The following GVQW3 variants were observed in gnomAD, a reference collection of about 807,000 sequenced individuals.
The protein encoded by GVQW3 is GVQW motif containing 3.
In GVQW3, 7 loss-of-function variants were observed where a neutral mutation model predicts 12.5. The observed-to-expected ratio is 0.56, with a 90% CI of 0.32 to 1.05. The LOEUF (loss-of-function observed/expected upper bound fraction) is 1.05, where lower values mean the gene tolerates loss of function less well. Among genes scored for constraint, GVQW3 ranks in the 50% least tolerant of loss-of-function variants. The pLI is 0.04. For missense variants in GVQW3, 188 were observed against 190.8 expected (o/e 0.99, Z 0.09); for synonymous variants, 71 against 67.2 (o/e 1.06, Z -0.28).
chr11:76,396,922 C>CT (rs1946944579), intron 1 of GVQW3, among the ~76,000 whole-genome samples: 2 of 151,726 alleles, frequency 1.3e-5, no homozygotes, highest in East Asian at 1.9e-4. Context: ...TAATATGTAG[C>CT]CTTTTATGTC....
Position 76,407,667 on chromosome 11 carries a change from ACAGT to A in GVQW3, c.*3913_*3916del, listed in dbSNP as rs1313740222. 2 of 152,130 alleles carry A rather than the reference ACAGT, an allele frequency of 1.3e-5. No individual in the cohort carries two copies. Among genetic ancestry groups the A allele is most frequent in the African/African-American group, 2.4e-5 (1 of 41,420 alleles). 9.4% of individuals were successfully genotyped at this position (152,130 alleles called of 1,614,324 possible). ...TTTCTTAGGAATCTTTCTTAGGAAA[ACAGT>A]CAGAGATGCAGACAAAGATTTATGT... On this transcript the variant is annotated 3_prime_UTR_variant, in exon 2 of 2. Transcript: ENST00000529331.
intron 1 of GVQW3, chr11:76,383,749 A>G: frequency 6.6e-6 from 1 of 152,182 alleles, no homozygotes; most frequent in Non-Finnish European, 1.5e-5. Context: ...ACTGTACTCC[A>G]ACCTGGCGAC....
intron 1 of GVQW3, among the ~76,000 whole-genome samples, chr11:76,384,685 T>C (rs936101571): frequency 6.6e-6 from 1 of 152,218 alleles, no homozygotes; most frequent in Non-Finnish European, 1.5e-5. Context: ...GAAGATACTG[T>C]GTAAGAAAAC....
chr11:76,406,559 C>T lies in GVQW3; in HGVS notation c.*2801C>T, dbSNP rs1206200508. ...AACCCAGCTGCAGCTTCTCATCTCA[C>T]GAATTTCAAGTGACTTTTGACTATT... On this transcript the variant is annotated 3_prime_UTR_variant, in exon 2 of 2. Transcript: ENST00000529331. 1.3e-5 allele frequency: 2 copies of T among 152,202 alleles called. No individual in the cohort carries two copies. The highest frequency in any genetic ancestry group is 2.1e-4 in the South Asian group (1 of 4,830). 9.4% of individuals were successfully genotyped at this position (152,202 alleles called of 1,614,324 possible).
chr11:76,410,490 T>C (rs1947072758), downstream of GVQW3, among the ~76,000 whole-genome samples: 1 of 152,172 alleles, frequency 6.6e-6, no homozygotes, highest in Non-Finnish European at 1.5e-5. Context: ...CAGTGCTTTG[T>C]ATTTAGTACA....
intron 1 of GVQW3, among the ~76,000 whole-genome samples, chr11:76,393,664 T>C (rs942843727): frequency 2.5e-4 from 38 of 151,240 alleles, no homozygotes; most frequent in African/African-American, 9.2e-4. Flanking sequence ...ACCCACTCAG[T>C]GAAGCAGCCA....
At chr11:76,399,127 T>TGTATTGTATTG (rs1296706412) in intron 1 of GVQW3, among the ~76,000 whole-genome samples, 19 of 151,074 alleles carry the variant, frequency 1.3e-4, no homozygotes, top group African/African-American at 4.6e-4. Context: ...TTTATTTTAT[T>TGTATTGTATTG]TCATTTTATT....
In GVQW3 at chr11:76,405,712, C is replaced by T. The variant is rs1250087044; in HGVS notation, c.*1954C>T. On this transcript the variant is annotated 3_prime_UTR_variant, in exon 2 of 2. Coordinates refer to ENST00000529331, the MANE Select transcript of GVQW3 (RefSeq NM_001347885.2). Reference sequence around the variant, plus strand: ...CAGTACTGTTGTCCAGGCTGGAGCGCAGTTGATTGTAGCTCACTGCAGCCT... The same window carrying T: ...CAGTACTGTTGTCCAGGCTGGAGCGTAGTTGATTGTAGCTCACTGCAGCCT... 1 of 152,436 alleles carries T rather than the reference C, an allele frequency of 6.6e-6. No individual in the cohort carries two copies. Among genetic ancestry groups the T allele is most frequent in the Non-Finnish European group, 1.5e-5 (1 of 68,240 alleles). 9.4% of individuals were successfully genotyped at this position (152,436 alleles called of 1,614,324 possible).
At chr11:76,390,436 A>G (rs1364738043) in intron 1 of GVQW3, among the ~76,000 whole-genome samples, 1 of 152,234 alleles carries the variant, frequency 6.6e-6, no homozygotes, top group Non-Finnish European at 1.5e-5. Context: ...ATATTTATTG[A>G]GTGCTTATCT....
chr11:76,400,570 A>G (rs969795967), intron 1 of GVQW3, among the ~76,000 whole-genome samples: 3 of 151,346 alleles, frequency 2.0e-5, no homozygotes, highest in Non-Finnish European at 2.9e-5. Flanking sequence ...ACAGGCTCAC[A>G]CCACCATGCC....
chr11:76,383,060 G>A (rs1374774052), intron 1 of GVQW3: 1 of 152,356 alleles, frequency 6.6e-6, no homozygotes, highest in East Asian at 1.9e-4. Context: ...GAAGAGCTGG[G>A]TTTGTTTCAT....
chr11:76,392,030 C>G (rs1946897463), intron 1 of GVQW3, among the ~76,000 whole-genome samples: 1 of 152,244 alleles, frequency 6.6e-6, no homozygotes, highest in South Asian at 2.1e-4. Context: ...GCACTAGGCA[C>G]AGAGTACAGC....
intron 1 of GVQW3, among the ~76,000 whole-genome samples, chr11:76,383,969 T>C (rs931712241): frequency 3.3e-5 from 5 of 152,222 alleles, no homozygotes; most frequent in Non-Finnish European, 7.3e-5. Flanking sequence ...TAACAACCAA[T>C]TTGATATCTG....
intron 1 of GVQW3, among the ~76,000 whole-genome samples, chr11:76,401,152 C>T (rs1946985618): frequency 6.6e-6 from 1 of 151,946 alleles, no homozygotes; most frequent in Admixed American, 6.6e-5. Context: ...TAATTACATG[C>T]ATGAGCCACT....
At chr11:76,410,121 A>C (rs1353843724), downstream of GVQW3, among the ~76,000 whole-genome samples, 1 of 152,088 alleles carries the variant, frequency 6.6e-6, no homozygotes, top group African/African-American at 2.4e-5. Flanking sequence ...TGGGTATGGT[A>C]GTGCACACCT....
exon 2 of GVQW3, chr11:76,413,172 T>C (rs1947093163): frequency 6.6e-6 from 1 of 152,212 alleles, no homozygotes; most frequent in South Asian, 2.1e-4. Context: ...ATGAGCATAA[T>C]TTTTTGGCCG....
At chr11:76,403,051 G>A (rs965306669) in intron 1 of GVQW3, among the ~76,000 whole-genome samples, 3 of 151,980 alleles carry the variant, frequency 2.0e-5, no homozygotes, top group Non-Finnish European at 4.4e-5. Flanking sequence ...GGGTTCAAGC[G>A]ATTCTCCTGC....
At position 76,391,698 on chromosome 11, in the gene GVQW3, A is replaced by C. The variant is rs182098758; in HGVS notation, c.465+9405A>C. On this transcript the variant is annotated intron_variant, in intron 1 of 1. Transcript: ENST00000529331. ...GCTGGGTGCGGTGGCTCATACCTGT[A>C]ATCTCAGCACTTTGGGAGGCTGAGG... Among the ~76,000 whole-genome samples, 51 of 152,294 alleles carry C rather than the reference A, an allele frequency of 3.3e-4. 1 individual carries two copies. In the East Asian group the frequency reaches 9.7e-3, roughly 29 times the overall value.
At chr11:76,395,640 G>A (rs1303817981) in intron 1 of GVQW3, among the ~76,000 whole-genome samples, 2 of 152,142 alleles carry the variant, frequency 1.3e-5, no homozygotes, top group African/African-American at 4.8e-5. Context: ...TTGGAGAATG[G>A]TGTTTAGAAA....
Sources: gnomAD v4.1 joint callset for allele counts (sites outside exome capture counted in the v4.1 genomes callset) on GRCh38, gnomAD v4.1.1 for gene constraint, MANE v1.5 for transcripts, NCBI Gene and HGNC (gene_info 2026-07-23, HGNC 2026-07-21) for gene names.